The following BANK1 variants were observed in gnomAD, a reference collection of about 807,000 sequenced individuals.
BANK1 encodes B cell scaffold protein with ankyrin repeats 1.
Under a neutral mutation model 94.5 loss-of-function variants are expected in BANK1, and 95 were observed. The ratio of observed to expected loss-of-function variants is 1.00; its 90% CI spans 0.85 to 1.19. The LOEUF is 1.19. Among genes scored for constraint, BANK1 ranks in the 50% most tolerant of loss-of-function variants. BANK1 has a pLI of 0.00. For missense variants in BANK1, 987 were observed against 932.2 expected (o/e 1.06, Z -0.77); for synonymous variants, 334 against 308.4 (o/e 1.08, Z -0.87).
At position 101,814,161 on chromosome 4, in the gene BANK1, C is replaced by G. The variant is rs182372120; in HGVS notation, c.71-15647C>G. 5.3e-5 allele frequency among the ~76,000 whole-genome samples: 8 copies of G among 152,232 alleles called. No individual in the cohort carries two copies. The East Asian group carries it at 1.5e-3, about 29-fold the overall frequency. ...AAATACTTGCCAATGTAATTAATTG[C>G]AAGATCTCATTGCAGTTAGTTAGGA... On this transcript the variant is annotated intron_variant, in intron 1 of 16. Transcript: ENST00000322953.
chr4:102,016,368 C>T lies in BANK1; in HGVS notation c.1207-5146C>T, dbSNP rs564614562. ...TATAGTGTTTTGTGCATGTGACCTC[C>T]GGATATTATCACCTTCCATCTCCAT... On this transcript the variant is annotated intron_variant, in intron 7 of 16. Coordinates refer to ENST00000322953, the MANE Select transcript of BANK1 (RefSeq NM_017935.5). 4.1e-4 allele frequency among the ~76,000 whole-genome samples: 62 copies of T among 152,188 alleles called. 1 individual carries two copies. The East Asian group carries it at 4.4e-3, about 11-fold the overall frequency.
At chr4:101,879,698 A>G (rs557851425) in intron 5 of BANK1, among the ~76,000 whole-genome samples, 2 of 152,230 alleles carry the variant, frequency 1.3e-5, no homozygotes, top group African/African-American at 4.8e-5. Flanking sequence ...TCAACAAAAT[A>G]CTAGCAAACT....
chr4:101,848,894 T>A (rs1727354973), intron 2 of BANK1, among the ~76,000 whole-genome samples: 1 of 150,892 alleles, frequency 6.6e-6, no homozygotes, highest in Admixed American at 6.6e-5. Flanking sequence ...CCTTCTAGCA[T>A]CCTCCCACCT....
rs548041799 is a variant in BANK1 at position 101,792,543 on chromosome 4, G to T, written c.70+1593G>T. 4.7e-5 allele frequency among the ~76,000 whole-genome samples: 7 copies of T among 150,242 alleles called. No individual in the cohort carries two copies. In the South Asian group the frequency reaches 1.1e-3, roughly 23 times the overall value. ...AATATGGCACATTGGGGGTCAATTG[G>T]TCCAACTGCCTCATTTAGAGAAGAG... On this transcript the variant is annotated intron_variant, in intron 1 of 16. Coordinates refer to ENST00000322953, the MANE Select transcript of BANK1 (RefSeq NM_017935.5).
At chr4:101,939,518 G>C (rs1281903933) in intron 7 of BANK1, among the ~76,000 whole-genome samples, 6 of 151,648 alleles carry the variant, frequency 4.0e-5, no homozygotes, top group African/African-American at 1.5e-4. Context: ...GCATTACCTG[G>C]AAACGTGTTT....
intron 10 of BANK1, among the ~76,000 whole-genome samples, chr4:102,042,503 A>C (rs887824398): frequency 2.0e-5 from 3 of 152,058 alleles, no homozygotes; most frequent in Admixed American, 6.6e-5. Flanking sequence ...TCTTGACAGC[A>C]TCTGGCAAAT....
chr4:101,993,868 C>T (rs1725789570), intron 7 of BANK1, among the ~76,000 whole-genome samples: 1 of 152,200 alleles, frequency 6.6e-6, no homozygotes, highest in African/African-American at 2.4e-5. Context: ...GCTTTTCTTA[C>T]CAATTTTATA....
intron 7 of BANK1, among the ~76,000 whole-genome samples, chr4:102,001,053 A>T (rs1198483248): frequency 2.0e-5 from 3 of 152,168 alleles, no homozygotes; most frequent in Non-Finnish European, 2.9e-5. Context: ...GACCAAATCC[A>T]ATTGGTGGAC....
chr4:101,957,003 A>G lies in BANK1; in HGVS notation c.1206+38814A>G, dbSNP rs57859281. On this transcript the variant is annotated intron_variant, in intron 7 of 16. Transcript: ENST00000322953. ...TCAGTACAAAAAGATTATGCCCATC[A>G]TCTCCTTCCTAAGTTCCTACGACCA... Among the ~76,000 whole-genome samples, 137 of 152,234 alleles carry G rather than the reference A, an allele frequency of 9.0e-4. 1 individual carries two copies. Among genetic ancestry groups the G allele is most frequent in the African/African-American group, 3.1e-3 (130 of 41,548 alleles).
chr4:102,035,579 C>T (rs1727475886), intron 10 of BANK1, among the ~76,000 whole-genome samples: 1 of 148,142 alleles, frequency 6.8e-6, no homozygotes, highest in Non-Finnish European at 1.5e-5. Flanking sequence ...ACCCGGGAGG[C>T]AGAGCTTGCA....
intron 1 of BANK1, among the ~76,000 whole-genome samples, chr4:101,822,186 C>T (rs946171567): frequency 1.3e-5 from 2 of 151,960 alleles, no homozygotes; most frequent in Non-Finnish European, 2.9e-5. Context: ...GAAACCCTGT[C>T]TCTACCATTA....
chr4:101,830,523 G>A (rs1351071145), intron 2 of BANK1, among the ~76,000 whole-genome samples: 1 of 152,114 alleles, frequency 6.6e-6, no homozygotes, highest in Non-Finnish European at 1.5e-5. Flanking sequence ...TCTGGAAGCT[G>A]GTTTCTTATG....
intron 7 of BANK1, among the ~76,000 whole-genome samples, chr4:101,977,985 A>T (rs1725192833): frequency 6.6e-6 from 1 of 151,938 alleles, no homozygotes; most frequent in East Asian, 1.9e-4. Context: ...GTTTTTTGAG[A>T]CGGAGTCTCA....
At chr4:101,962,261 G>A (rs976559956) in intron 7 of BANK1, among the ~76,000 whole-genome samples, 3 of 152,090 alleles carry the variant, frequency 2.0e-5, no homozygotes, top group East Asian at 1.9e-4. Flanking sequence ...TTAGCCCCAC[G>A]GCATCATGCA....
intron 11 of BANK1, among the ~76,000 whole-genome samples, chr4:102,054,449 A>C (rs978077451): frequency 1.3e-5 from 2 of 152,078 alleles, no homozygotes; most frequent in Admixed American, 1.3e-4. Flanking sequence ...TGGAGTTTAC[A>C]AAAATGGAAT....
chr4:101,872,202 C>T (rs1336726773), intron 5 of BANK1, among the ~76,000 whole-genome samples: 1 of 152,024 alleles, frequency 6.6e-6, no homozygotes, highest in Non-Finnish European at 1.5e-5. Flanking sequence ...TAATGATGGA[C>T]AGAATTACTC....
At chr4:102,023,446 A>G (rs922905738) in intron 8 of BANK1, among the ~76,000 whole-genome samples, 18 of 152,222 alleles carry the variant, frequency 1.2e-4, no homozygotes, top group African/African-American at 4.3e-4. Context: ...ATTGACTGTA[A>G]TAATAAAACA....
chr4:101,809,271 T>A (rs1441599488), intron 1 of BANK1, among the ~76,000 whole-genome samples: 1 of 152,084 alleles, frequency 6.6e-6, no homozygotes, highest in Non-Finnish European at 1.5e-5. Flanking sequence ...TTGTTTGTTC[T>A]CAGTTATAAA....
At chr4:101,882,295 GT>G (rs1410482789) in intron 5 of BANK1, among the ~76,000 whole-genome samples, 1 of 152,062 alleles carries the variant, frequency 6.6e-6, no homozygotes, top group Middle Eastern at 3.2e-3. Flanking sequence ...AAAATACTTT[GT>G]TTTTTATTTA....
Sources: gnomAD v4.1 joint callset for allele counts (sites outside exome capture counted in the v4.1 genomes callset) on GRCh38, gnomAD v4.1.1 for gene constraint, MANE v1.5 for transcripts, NCBI Gene and HGNC (gene_info 2026-07-23, HGNC 2026-07-21) for gene names.